AKAP13: variants seen among roughly 807,000 people sequenced by gnomAD.
The protein encoded by AKAP13 is A-kinase anchoring protein 13, also known as A-kinase anchor protein 13.
In AKAP13, 80 loss-of-function variants were observed where a neutral mutation model predicts 264.5. That is an observed-to-expected ratio of 0.30 (90% CI 0.25 to 0.36). The LOEUF (loss-of-function observed/expected upper bound fraction) is 0.36. AKAP13 is among the 10% of genes least tolerant of loss of function. The probability of loss-of-function intolerance (pLI) is 1.00; values close to 1 mark genes in which losing one functional copy is unlikely to be tolerated. For synonymous variants in AKAP13, 1,380 were observed against 1,250.2 expected (o/e 1.10, Z -2.19); for missense variants, 3,712 against 3,435.2 (o/e 1.08, Z -2.01).
At chr15:85,432,367 T>TAAA (rs896840084) in intron 1 of AKAP13, among the ~76,000 whole-genome samples, 1 of 145,032 alleles carries the variant, frequency 6.9e-6, no homozygotes, top group Non-Finnish European at 1.5e-5. Context: ...CTGCAAATCT[T>TAAA]AAAAAAAAAA....
chr15:85,503,927 G>A (rs567825343), intron 2 of AKAP13, among the ~76,000 whole-genome samples: 17 of 152,268 alleles, frequency 1.1e-4, no homozygotes, highest in African/African-American at 3.8e-4. Flanking sequence ...AGATGATGCT[G>A]GAGGGGTCAG....
intron 2 of AKAP13, among the ~76,000 whole-genome samples, chr15:85,510,946 G>T (rs1352061867): frequency 2.6e-5 from 4 of 152,108 alleles, no homozygotes; most frequent in Non-Finnish European, 2.9e-5. Flanking sequence ...TTTAGGTGGC[G>T]CTTGAGTTTG....
In AKAP13 at chr15:85,498,441, A is replaced by C. The variant is rs2075950828; in HGVS notation, c.33+12688A>C. 2.0e-5 allele frequency among the ~76,000 whole-genome samples: 3 copies of C among 152,062 alleles called. No homozygotes were observed. In the East Asian group the frequency reaches 5.8e-4, roughly 29 times the overall value. ...CCTTCCTTGTAAGGTAACTTACTTT[A>C]TCTCCTCACCCATGTGAGATCCATT... On this transcript the variant is annotated intron_variant, in intron 2 of 36. Transcript: ENST00000394518.
intron 8 of AKAP13, among the ~76,000 whole-genome samples, chr15:85,637,349 A>G (rs56396144): frequency 0.13 from 20,009 of 152,210 alleles, 1,688 homozygotes; most frequent in East Asian, 0.27. Context: ...TAGATTATCT[A>G]TGTTTTCTTG....
intron 2 of AKAP13, among the ~76,000 whole-genome samples, chr15:85,491,609 A>G (rs2075730875): frequency 6.7e-6 from 1 of 150,042 alleles, no homozygotes; most frequent in African/African-American, 2.5e-5. Flanking sequence ...CTTTGTTTTT[A>G]TATTGTTTCA....
At chr15:85,494,427 A>C (rs2075816594) in intron 2 of AKAP13, among the ~76,000 whole-genome samples, 1 of 152,134 alleles carries the variant, frequency 6.6e-6, no homozygotes, top group South Asian at 2.1e-4. Flanking sequence ...GGTACAAGGA[A>C]ATAATAGCTG....
At chr15:85,419,441 G>A (rs746096104) in intron 1 of AKAP13, among the ~76,000 whole-genome samples, 15 of 152,200 alleles carry the variant, frequency 9.9e-5, no homozygotes, top group Non-Finnish European at 2.1e-4. Context: ...GATACATTGT[G>A]TATCATTCTG....
intron 1 of AKAP13, among the ~76,000 whole-genome samples, chr15:85,468,296 C>T (rs950855020): frequency 1.3e-5 from 2 of 152,170 alleles, no homozygotes; most frequent in Non-Finnish European, 1.5e-5. Flanking sequence ...CGGTCAGAGT[C>T]TTAGCCCTTC....
chr15:85,506,864 A>G (rs905487010), intron 2 of AKAP13, among the ~76,000 whole-genome samples: 2 of 152,152 alleles, frequency 1.3e-5, no homozygotes, highest in Non-Finnish European at 2.9e-5. Context: ...CTTTATGCCC[A>G]TGTTCCCTAT....
chr15:85,438,837 A>G (rs1448376371), intron 1 of AKAP13, among the ~76,000 whole-genome samples: 2 of 151,566 alleles, frequency 1.3e-5, no homozygotes, highest in African/African-American at 4.9e-5. Flanking sequence ...TTAAAGATTT[A>G]AACGTTAGAC....
intron 9 of AKAP13, among the ~76,000 whole-genome samples, chr15:85,639,939 C>T (rs1486405088): frequency 6.6e-6 from 1 of 152,146 alleles, no homozygotes; most frequent in Admixed American, 6.5e-5. Context: ...AGGTTGAGAA[C>T]CATTACACTT....
At position 85,491,453 on chromosome 15, in the gene AKAP13, A is replaced by G. The variant is rs2075720214; in HGVS notation, c.33+5700A>G. On this transcript the variant is annotated intron_variant, in intron 2 of 36. Coordinates refer to ENST00000394518, the MANE Select transcript of AKAP13 (RefSeq NM_007200.5). ...CATTAAGATCCACATTTAGATATAA[A>G]TGGATGTTCTTGAATTGAGGAATAT... Among the ~76,000 whole-genome samples the G allele has an allele frequency of 2.0e-5, 3 of 149,174 alleles. No individual in the cohort carries two copies. In the South Asian group the frequency reaches 6.3e-4, roughly 31 times the overall value.
At chr15:85,545,120 G>T (rs1160182492) in intron 5 of AKAP13, among the ~76,000 whole-genome samples, 1 of 152,154 alleles carries the variant, frequency 6.6e-6, no homozygotes, top group East Asian at 1.9e-4. Context: ...TCTCAAATGA[G>T]CTTTGGATAC....
intron 1 of AKAP13, among the ~76,000 whole-genome samples, chr15:85,419,178 A>T (rs1353993739): frequency 1.3e-5 from 2 of 152,240 alleles, no homozygotes; most frequent in Non-Finnish European, 2.9e-5. Flanking sequence ...ATATCATCAT[A>T]GGATTTGTAA....
chr15:85,543,664 A>G (rs1028470170), intron 4 of AKAP13, 108 bp from the exon 5 acceptor site: 3 of 1,258,678 alleles, frequency 2.4e-6, no homozygotes, highest in Admixed American at 2.7e-5. Flanking sequence ...TAACTTTACA[A>G]TCTTAGGCAC....
At chr15:85,661,721 T>C (rs1567180916) in intron 12 of AKAP13, among the ~76,000 whole-genome samples, 1 of 151,998 alleles carries the variant, frequency 6.6e-6, no homozygotes, top group Non-Finnish European at 1.5e-5. Context: ...AACTCCGTCT[T>C]GGGGGGTAGT....
At chr15:85,650,458 C>T (rs1477207489) in intron 10 of AKAP13, among the ~76,000 whole-genome samples, 1 of 151,306 alleles carries the variant, frequency 6.6e-6, no homozygotes. Context: ...AATGTATTTA[C>T]AGAATCCTAA....
intron 1 of AKAP13, among the ~76,000 whole-genome samples, chr15:85,386,753 T>G (rs533430870): frequency 2.6e-5 from 4 of 152,242 alleles, no homozygotes; most frequent in African/African-American, 9.6e-5. Flanking sequence ...CTCTGTTGAT[T>G]ACCTTTGTGC....
At chr15:85,556,067 T>C (rs749093995) in intron 5 of AKAP13, among the ~76,000 whole-genome samples, 2 of 152,162 alleles carry the variant, frequency 1.3e-5, no homozygotes, top group Non-Finnish European at 2.9e-5. Context: ...AGGAGGCACA[T>C]AAGTTTTAGA....
Sources: allele counts gnomAD v4.1 joint callset (sites outside exome capture counted in the v4.1 genomes callset), GRCh38; gene constraint gnomAD v4.1.1; transcripts MANE v1.5; gene names NCBI Gene and HGNC (gene_info 2026-07-23, HGNC 2026-07-21).